KDM4C: variants seen among roughly 807,000 people sequenced by gnomAD.
KDM4C encodes lysine-specific demethylase 4C.
In KDM4C, 81 loss-of-function variants were observed where a neutral mutation model predicts 129.3. That is an observed-to-expected ratio of 0.63 (90% confidence interval 0.52 to 0.75). The LOEUF is 0.75. Ranked by LOEUF, KDM4C falls within the 30% of genes least tolerant of loss-of-function variation. KDM4C has a pLI of 0.00. For synonymous variants in KDM4C, 573 were observed against 456.1 expected (o/e 1.26, Z -3.26); for missense variants, 1,457 against 1,304.0 (o/e 1.12, Z -1.81).
chr9:6,753,523 C>T (rs1818142025), upstream of KDM4C, among the ~76,000 whole-genome samples: 2 of 152,194 alleles, frequency 1.3e-5, no homozygotes, highest in South Asian at 2.1e-4. Flanking sequence ...ATCCTCCTGC[C>T]TCAGCCTCCC....
At chr9:7,019,015 TG>T (rs1563991599) in intron 15 of KDM4C, among the ~76,000 whole-genome samples, 1 of 152,222 alleles carries the variant, frequency 6.6e-6, no homozygotes, top group Admixed American at 6.5e-5. Flanking sequence ...GAATTCACAG[TG>T]GATTCCACTT....
intron 8 of KDM4C, among the ~76,000 whole-genome samples, chr9:6,954,241 CTTTCTCCTCT>C (rs1228842923): frequency 6.6e-6 from 1 of 152,144 alleles, no homozygotes; most frequent in African/African-American, 2.4e-5. Context: ...TGCAATATGA[CTTTCTCCTCT>C]TTTCTCCTGA....
intron 1 of KDM4C, among the ~76,000 whole-genome samples, chr9:6,763,125 A>G (rs1326664464): frequency 2.0e-5 from 3 of 152,122 alleles, no homozygotes; most frequent in Non-Finnish European, 2.9e-5. Flanking sequence ...ACTAACAGTC[A>G]GAATAATTCC....
At chr9:7,163,085 C>T (rs1002341681) in intron 19 of KDM4C, among the ~76,000 whole-genome samples, 1 of 152,062 alleles carries the variant, frequency 6.6e-6, no homozygotes, top group Admixed American at 6.6e-5. Context: ...GTGGAAGGAG[C>T]AGAGCAGAGT....
rs150096536 is a variant in KDM4C at position 6,814,531 on chromosome 9, G to C, written c.321-100G>C. 84 of 644,220 alleles carry C rather than the reference G, an allele frequency of 1.3e-4. No homozygotes were observed. The Middle Eastern group carries it at 2.0e-3, about 16-fold the overall frequency. The allele number at this position is 644,220 out of a possible 1,614,324, so 39.9% of individuals were successfully genotyped here. A position where few individuals can be genotyped will look rare whatever the true frequency, so the allele number is the denominator to read the frequency against. On this transcript the variant is annotated intron_variant, in intron 3 of 21. Transcript: ENST00000381309. ...TGACAACATGCAGTATTTTCGTTTT[G>C]GTAGGATTTTGTTTTAGAAAGTGAT...
chr9:6,975,444 C>T (rs542025384), intron 8 of KDM4C, among the ~76,000 whole-genome samples: 4 of 152,300 alleles, frequency 2.6e-5, no homozygotes, highest in African/African-American at 9.6e-5. Flanking sequence ...GGAATTTCCA[C>T]AGTAGATTGG....
At chr9:6,939,457 A>G (rs10815485) in intron 8 of KDM4C, among the ~76,000 whole-genome samples, 46,402 of 152,004 alleles carry the variant, frequency 0.31, 7,310 homozygotes, top group Middle Eastern at 0.42. Context: ...ATAATAATAG[A>G]AATAAAGTCC....
chr9:6,729,192 AAGCTCCGTCTCC>A, intron 1 of KDM4C, among the ~76,000 whole-genome samples: 1 of 68,204 alleles, frequency 1.5e-5, no homozygotes, highest in Admixed American at 2.0e-4. Flanking sequence ...CGACAGAGCA[AAGCTCCGTCTCC>A]AAAAAAAAAA....
intron 1 of KDM4C, among the ~76,000 whole-genome samples, chr9:6,777,941 A>G (rs1435079212): frequency 1.4e-5 from 2 of 146,998 alleles, no homozygotes; most frequent in East Asian, 2.0e-4. Context: ...TCTCCCCATA[A>G]AGACAGGATC....
intron 2 of KDM4C, among the ~76,000 whole-genome samples, chr9:6,796,991 A>ATTT (rs34065981): frequency 2.1e-5 from 3 of 143,978 alleles, no homozygotes; most frequent in East Asian, 2.0e-4. Context: ...TTAATGCACT[A>ATTT]TTTTTTTTTT....
At chr9:6,807,133 G>A (rs1415889544) in intron 3 of KDM4C, among the ~76,000 whole-genome samples, 1 of 151,906 alleles carries the variant, frequency 6.6e-6, no homozygotes, top group East Asian at 1.9e-4. Flanking sequence ...CGAGTGATCC[G>A]CCAGCCTCGG....
At chr9:7,010,155 C>G (rs1339898627) in intron 12 of KDM4C, among the ~76,000 whole-genome samples, 2 of 152,114 alleles carry the variant, frequency 1.3e-5, no homozygotes, top group Non-Finnish European at 2.9e-5. Context: ...TTAGCCATCT[C>G]CTTTTGCTAT....
chr9:7,161,039 A>G (rs1843728223), intron 19 of KDM4C, among the ~76,000 whole-genome samples: 1 of 152,124 alleles, frequency 6.6e-6, no homozygotes, highest in African/African-American at 2.4e-5. Flanking sequence ...CAGCAATGGC[A>G]GACGCCTCTC....
At chr9:7,105,486 T>C (rs1837579431) in intron 18 of KDM4C, 2 of 470,932 alleles carry the variant, frequency 4.2e-6, no homozygotes, top group Non-Finnish European at 8.8e-6. Flanking sequence ...TACAATCTTA[T>C]GTGAACTGGG....
chr9:7,013,696 G>A (rs1283166521), intron 13 of KDM4C, 92 bp from the exon 14 acceptor site: 4 of 1,172,134 alleles, frequency 3.4e-6, no homozygotes, highest in Non-Finnish European at 1.2e-6. Context: ...TTAGAAGTTA[G>A]TGTCTGGAAC....
chr9:6,981,514 C>G (rs890551125), intron 9 of KDM4C, among the ~76,000 whole-genome samples: 12 of 152,088 alleles, frequency 7.9e-5, no homozygotes, highest in Non-Finnish European at 1.6e-4. Flanking sequence ...TTCATTTGTC[C>G]AACATCTGAG....
In KDM4C at chr9:6,743,787, G is replaced by A. The variant is rs534511514; in HGVS notation, c.49+22790G>A. Among the ~76,000 whole-genome samples the A allele has an allele frequency of 2.1e-4, 32 of 152,178 alleles. No homozygotes were observed. The East Asian group carries it at 2.9e-3, about 14-fold the overall frequency. The stretch of plus-strand genomic sequence containing the variant: ...CTCCCAAAGTGCTGGGATAACAGGC[G>A]TGAGTCACCATGCCTGTCCCAGATT... On this transcript the variant is annotated intron_variant, in intron 1 of 17. Transcript: ENST00000536108.
chr9:6,859,881 A>T (rs1354602040), intron 5 of KDM4C, among the ~76,000 whole-genome samples: 1 of 149,136 alleles, frequency 6.7e-6, no homozygotes, highest in Non-Finnish European at 1.5e-5. Context: ...AAAAAAAAAA[A>T]GACTCAGAAT....
chr9:6,919,097 T>C (rs1057256409), intron 8 of KDM4C, among the ~76,000 whole-genome samples: 1 of 152,146 alleles, frequency 6.6e-6, no homozygotes, highest in African/African-American at 2.4e-5. Flanking sequence ...GTGATCCACC[T>C]GCCTTGGCCT....
Sources: allele counts gnomAD v4.1 joint callset (sites outside exome capture counted in the v4.1 genomes callset), GRCh38; gene constraint gnomAD v4.1.1; transcripts MANE v1.5; gene names NCBI Gene and HGNC (gene_info 2026-07-23, HGNC 2026-07-21).